Variants in PPP1R14C observed in about 807,000 individuals in gnomAD.
PPP1R14C encodes protein phosphatase 1 regulatory inhibitor subunit 14C.
A neutral mutation model predicts 20.4 loss-of-function variants in PPP1R14C; 16 were observed. That is an observed-to-expected ratio of 0.78 (90% CI 0.53 to 1.19). PPP1R14C has a LOEUF of 1.19. PPP1R14C is among the 50% of genes most tolerant of loss of function. The probability of loss-of-function intolerance (pLI) is 0.00; values close to 1 mark genes in which losing one functional copy is unlikely to be tolerated. For missense variants in PPP1R14C, 211 were observed against 220.1 expected (o/e 0.96, Z 0.26); for synonymous variants, 91 against 91.0 (o/e 1.00, Z 0.00).
At chr6:150,187,351 T>G (rs1777690093) in intron 1 of PPP1R14C, among the ~76,000 whole-genome samples, 1 of 152,078 alleles carries the variant, frequency 6.6e-6, no homozygotes, top group East Asian at 1.9e-4. Context: ...TTGTTATATA[T>G]GTAAATTTTT....
Position 150,221,068 on chromosome 6 carries a change from A to C in PPP1R14C, c.423+4212A>C, listed in dbSNP as rs183459109. On this transcript the variant is annotated intron_variant, in intron 3 of 3. Coordinates refer to ENST00000361131, the MANE Select transcript of PPP1R14C (RefSeq NM_030949.3). ...TGAGGAATTTCATTCAAGTTCACTT[A>C]TCTGTTAACGGGTCATTTCAAAAAG... 5.2e-4 allele frequency among the ~76,000 whole-genome samples: 79 copies of C among 152,340 alleles called. No individual in the cohort carries two copies. In the East Asian group the frequency reaches 0.014, roughly 28 times the overall value.
chr6:150,143,475 C>T lies in PPP1R14C; in HGVS notation c.283C>T (p.Leu95=), dbSNP rs552647889. 3.8e-6 allele frequency: 6 copies of T among 1,574,982 alleles called. No homozygotes were observed. Among genetic ancestry groups the T allele is most frequent in the Admixed American group, 1.7e-5 (1 of 57,790 alleles). Residue 95 remains leucine (L), a synonymous_variant, in exon 1 of 4, where the codon CTG becomes TTG. Coordinates refer to ENST00000361131, the MANE Select transcript of PPP1R14C (RefSeq NM_030949.3). This position sits in a 1 kb window ranked among gnomAD's most constrained non-coding sequence, Gnocchi z 5.6. Reference sequence around the variant, plus strand: ...GCTGGAGGAATGGATCGTGGAGCAGCTGGGTCAGCTCTACGGCTGCGAGGT... The same window carrying T: ...GCTGGAGGAATGGATCGTGGAGCAGTTGGGTCAGCTCTACGGCTGCGAGGT... ...LVLEEWIVEQ[L]GQLYGCEEEE...
At chr6:150,163,557 T>C (rs1777394076) in intron 1 of PPP1R14C, among the ~76,000 whole-genome samples, 1 of 152,178 alleles carries the variant, frequency 6.6e-6, no homozygotes, top group Non-Finnish European at 1.5e-5. Flanking sequence ...TCGTGTGTGC[T>C]TATCCCATTA....
At position 150,143,385 on chromosome 6, in the gene PPP1R14C, C is replaced by G; in HGVS notation, c.193C>G (p.Arg65Gly). The change falls in exon 1 of 4, where the codon CGG becomes GGG. Residue 65 changes from arginine to glycine, a missense_variant. By Grantham distance (125) the Arg-to-Gly change is moderately radical. Transcript: ENST00000361131. The surrounding 1 kb of genome is among the most constrained non-coding windows in gnomAD (Gnocchi z 5.6). ...AAGQVQQQQQ[R>G]RHQQGKVTVK... ...AGGGCAGGTTCAGCAGCAACAGCAG[C>G]GGCGACACCAGCAGGGAAAAGTGAC... 6.2e-7 allele frequency: 1 copy of G among 1,612,024 alleles called. No homozygotes were observed. Among genetic ancestry groups the G allele is most frequent in the South Asian group, 1.1e-5 (1 of 90,714 alleles).
chr6:150,161,598 TCCATTC>T (rs1244181238), intron 1 of PPP1R14C, among the ~76,000 whole-genome samples: 1 of 152,224 alleles, frequency 6.6e-6, no homozygotes, highest in Non-Finnish European at 1.5e-5. Flanking sequence ...ACCATCCGTA[TCCATTC>T]CCTTAATTGT....
At chr6:150,161,718 C>T (rs1053632658) in intron 1 of PPP1R14C, among the ~76,000 whole-genome samples, 5 of 152,208 alleles carry the variant, frequency 3.3e-5, no homozygotes, top group Admixed American at 2.6e-4. Flanking sequence ...ACTCCTTTTA[C>T]ATTTGATTTT....
intron 2 of PPP1R14C, among the ~76,000 whole-genome samples, chr6:150,215,454 A>G (rs1260424003): frequency 6.6e-6 from 1 of 152,200 alleles, no homozygotes; most frequent in Non-Finnish European, 1.5e-5. Flanking sequence ...AAAACCAATT[A>G]ACTTTTGACT....
At chr6:150,186,927 G>A (rs1484381003) in intron 1 of PPP1R14C, among the ~76,000 whole-genome samples, 1 of 152,120 alleles carries the variant, frequency 6.6e-6, no homozygotes, top group African/African-American at 2.4e-5. Context: ...CATGGAAGCA[G>A]TGGTGTGGGG....
At chr6:150,234,171 C>G (rs544115476) in intron 3 of PPP1R14C, among the ~76,000 whole-genome samples, 10 of 152,212 alleles carry the variant, frequency 6.6e-5, no homozygotes, top group African/African-American at 2.4e-4. Context: ...TTGAAAAACT[C>G]CCCCCAAAAT....
At chr6:150,197,266 G>A (rs1003991635) in intron 1 of PPP1R14C, among the ~76,000 whole-genome samples, 6 of 152,216 alleles carry the variant, frequency 3.9e-5, no homozygotes, top group African/African-American at 7.2e-5. Context: ...TCCCGCCTGC[G>A]GCACTTCCCT....
intron 1 of PPP1R14C, among the ~76,000 whole-genome samples, chr6:150,183,703 G>A (rs1310659633): frequency 6.6e-6 from 1 of 151,908 alleles, no homozygotes; most frequent in African/African-American, 2.4e-5. Flanking sequence ...AGTAGAGATG[G>A]GGTTTCACCA....
chr6:150,207,927 T>C (rs926000177), intron 1 of PPP1R14C, among the ~76,000 whole-genome samples: 1 of 152,078 alleles, frequency 6.6e-6, no homozygotes, highest in African/African-American at 2.4e-5. Flanking sequence ...TCTGGTTGGC[T>C]TCTGGTGACA....
intron 3 of PPP1R14C, among the ~76,000 whole-genome samples, chr6:150,226,245 C>T (rs1778228959): frequency 6.6e-6 from 1 of 152,174 alleles, no homozygotes; most frequent in Non-Finnish European, 1.5e-5. Flanking sequence ...ATGGTGATTT[C>T]ATTTTTTTCC....
intron 1 of PPP1R14C, among the ~76,000 whole-genome samples, chr6:150,180,879 TAAG>T (rs991941400): frequency 2.6e-4 from 39 of 152,162 alleles, no homozygotes; most frequent in African/African-American, 9.4e-4. Flanking sequence ...CTAGACAAAA[TAAG>T]AGACAATCTG....
At chr6:150,179,881 CAG>C (rs757303257) in intron 1 of PPP1R14C, among the ~76,000 whole-genome samples, 33 of 152,070 alleles carry the variant, frequency 2.2e-4, no homozygotes, top group African/African-American at 5.8e-4. Flanking sequence ...TTTGGGGAAA[CAG>C]ATAACAAAAG....
intron 1 of PPP1R14C, among the ~76,000 whole-genome samples, chr6:150,210,614 A>G (rs940939280): frequency 2.0e-5 from 3 of 152,190 alleles, no homozygotes; most frequent in Non-Finnish European, 4.4e-5. Flanking sequence ...CCGGCAGCCT[A>G]TGGGCCAATG....
intron 1 of PPP1R14C, among the ~76,000 whole-genome samples, chr6:150,161,425 A>G (rs1462294813): frequency 6.6e-6 from 1 of 152,246 alleles, no homozygotes; most frequent in Non-Finnish European, 1.5e-5. Flanking sequence ...GCGTATACAT[A>G]TCTACAAATA....
At chr6:150,237,471 G>A (rs1964837) in intron 3 of PPP1R14C, among the ~76,000 whole-genome samples, 61,852 of 151,788 alleles carry the variant, frequency 0.41, 13,808 homozygotes, top group African/African-American at 0.6. Context: ...CCACAGTGCT[G>A]GGATTACAGG....
At chr6:150,156,758 TA>T (rs1002519407) in intron 1 of PPP1R14C, among the ~76,000 whole-genome samples, 5 of 152,212 alleles carry the variant, frequency 3.3e-5, no homozygotes, top group African/African-American at 1.2e-4. Flanking sequence ...ATATTAAAAC[TA>T]AAAAACAACA....
Sources: gnomAD v4.1 joint callset for allele counts (sites outside exome capture counted in the v4.1 genomes callset) on GRCh38, gnomAD v4.1.1 for gene constraint, Gnocchi (gnomAD v3.1) non-coding constraint, MANE v1.5 for transcripts, NCBI Gene and HGNC (gene_info 2026-07-23, HGNC 2026-07-21) for gene names.